The following LRRC7 variants were observed in gnomAD, a reference collection of about 807,000 sequenced individuals.
LRRC7 encodes the protein leucine rich repeat containing 7.
LRRC7 carries 23 observed loss-of-function variants against 175.7 expected under a neutral mutation model. That is an observed-to-expected ratio of 0.13 (90% CI 0.09 to 0.19). The LOEUF is 0.19. Ranked by LOEUF, LRRC7 falls within the 10% of genes least tolerant of loss-of-function variation. LRRC7 has a pLI of 1.00. For missense variants in LRRC7, 1,354 were observed against 1,904.7 expected (o/e 0.71, Z 5.38); for synonymous variants, 685 against 680.9 (o/e 1.01, Z -0.09).
intron 7 of LRRC7, among the ~76,000 whole-genome samples, chr1:69,928,900 C>T (rs182223968): frequency 1.4e-4 from 21 of 152,324 alleles, no homozygotes; most frequent in Admixed American, 2.0e-4. Flanking sequence ...TCTTCTGCGT[C>T]GCTTACGCTG....
At chr1:69,805,445 T>G (rs1199528821) in intron 4 of LRRC7, among the ~76,000 whole-genome samples, 1 of 151,886 alleles carries the variant, frequency 6.6e-6, no homozygotes, top group African/African-American at 2.4e-5. Context: ...GCAATTGTTC[T>G]CAATAAGCAA....
At chr1:69,967,553 C>T (rs1000184954) in intron 8 of LRRC7, among the ~76,000 whole-genome samples, 13 of 152,168 alleles carry the variant, frequency 8.5e-5, no homozygotes, top group Non-Finnish European at 1.9e-4. Flanking sequence ...GAGTCCATTT[C>T]ACGCCCCCTG....
chr1:69,686,441 CAATT>C (rs1233044026), intron 2 of LRRC7, among the ~76,000 whole-genome samples: 1 of 151,988 alleles, frequency 6.6e-6, no homozygotes, highest in African/African-American at 2.4e-5. Flanking sequence ...TGAAATAAGT[CAATT>C]AATATTTAAA....
chr1:69,843,470 C>T (rs1482996530), intron 7 of LRRC7, among the ~76,000 whole-genome samples: 6 of 151,496 alleles, frequency 4.0e-5, no homozygotes, highest in Admixed American at 6.6e-5. Flanking sequence ...AAAAATTTTC[C>T]GAAGTACAAG....
chr1:69,734,589 A>C (rs556377674), intron 2 of LRRC7, among the ~76,000 whole-genome samples: 4 of 152,030 alleles, frequency 2.6e-5, no homozygotes, highest in African/African-American at 9.6e-5. Context: ...TCTATGGCTA[A>C]ATTTTAAGTT....
chr1:69,653,949 A>G (rs1656230782), intron 1 of LRRC7, among the ~76,000 whole-genome samples: 1 of 152,024 alleles, frequency 6.6e-6, no homozygotes, highest in Admixed American at 6.6e-5. Flanking sequence ...GGTTTCCAGG[A>G]GTTGAGAGGA....
At chr1:69,885,266 A>G (rs1687059492) in intron 7 of LRRC7, among the ~76,000 whole-genome samples, 1 of 141,020 alleles carries the variant, frequency 7.1e-6, no homozygotes, top group Non-Finnish European at 1.5e-5. Context: ...TTGGTTGGTA[A>G]ACTATTGATT....
At chr1:69,681,660 C>G (rs1416433567) in intron 2 of LRRC7, among the ~76,000 whole-genome samples, 1 of 151,970 alleles carries the variant, frequency 6.6e-6, no homozygotes, top group African/African-American at 2.4e-5. Context: ...ACTTTGTCCT[C>G]AAAGCCACAG....
intron 1 of LRRC7, among the ~76,000 whole-genome samples, chr1:69,652,859 A>G (rs181069502): frequency 1.3e-5 from 2 of 152,292 alleles, no homozygotes; most frequent in African/African-American, 2.4e-5. Flanking sequence ...ATCTTTGTCA[A>G]TGGCATCAAG....
intron 5 of LRRC7, among the ~76,000 whole-genome samples, chr1:69,828,853 G>A (rs1414850812): frequency 6.6e-6 from 1 of 151,720 alleles, no homozygotes; most frequent in East Asian, 1.9e-4. Flanking sequence ...AATTTTATAT[G>A]GTTTAACTGT....
At chr1:69,899,997 A>C (rs181696314) in intron 7 of LRRC7, among the ~76,000 whole-genome samples, 1 of 152,338 alleles carries the variant, frequency 6.6e-6, no homozygotes, top group Admixed American at 6.5e-5. Context: ...GCTGTAATAA[A>C]ATTTATTTTA....
chr1:69,780,474 A>C (rs1472735230), intron 3 of LRRC7, among the ~76,000 whole-genome samples: 1 of 152,126 alleles, frequency 6.6e-6, no homozygotes, highest in African/African-American at 2.4e-5. Flanking sequence ...TCTAGGGGGA[A>C]GGGAAAGGAT....
chr1:70,059,790 C>A (rs977394836), intron 23 of LRRC7, among the ~76,000 whole-genome samples: 1 of 151,894 alleles, frequency 6.6e-6, no homozygotes, highest in Non-Finnish European at 1.5e-5. Flanking sequence ...GCCAAATCAT[C>A]ATTTGTGCTT....
At chr1:69,956,113 A>G (rs1650461349) in intron 8 of LRRC7, among the ~76,000 whole-genome samples, 1 of 151,952 alleles carries the variant, frequency 6.6e-6, no homozygotes. Flanking sequence ...ATATGACCAA[A>G]GAAGTAGCTG....
intron 15 of LRRC7, among the ~76,000 whole-genome samples, chr1:70,019,849 A>G (rs1354647843): frequency 6.6e-6 from 1 of 152,048 alleles, no homozygotes; most frequent in African/African-American, 2.4e-5. Flanking sequence ...GGATTATGTT[A>G]TATTCATGCA....
At chr1:69,686,488 T>C (rs1302024523) in intron 2 of LRRC7, among the ~76,000 whole-genome samples, 1 of 152,180 alleles carries the variant, frequency 6.6e-6, no homozygotes, top group African/African-American at 2.4e-5. Context: ...TAAATTGATA[T>C]AAGGTTTCTC....
At chr1:69,714,779 A>AT (rs1417026232) in intron 2 of LRRC7, among the ~76,000 whole-genome samples, 9 of 151,844 alleles carry the variant, frequency 5.9e-5, no homozygotes, top group East Asian at 1.9e-4. Context: ...TAGGAATCTG[A>AT]TGTTTTTTTT....
intron 7 of LRRC7, among the ~76,000 whole-genome samples, chr1:69,897,462 A>G (rs1406076944): frequency 1.3e-5 from 2 of 151,974 alleles, no homozygotes; most frequent in Non-Finnish European, 2.9e-5. Flanking sequence ...ATTTATTTCT[A>G]CTTCCTTCTT....
chr1:69,797,312 C>A (rs1488337308), intron 4 of LRRC7, among the ~76,000 whole-genome samples: 2 of 152,052 alleles, frequency 1.3e-5, no homozygotes, highest in Admixed American at 1.3e-4. Flanking sequence ...ATAATGACTA[C>A]CTCATATCAA....
Sources: gnomAD v4.1 joint callset for allele counts (sites outside exome capture counted in the v4.1 genomes callset) on GRCh38, gnomAD v4.1.1 for gene constraint, MANE v1.5 for transcripts, NCBI Gene and HGNC (gene_info 2026-07-23, HGNC 2026-07-21) for gene names.